Variants in AKAP8L observed in about 807,000 individuals in gnomAD.
AKAP8L encodes the protein A-kinase anchoring protein 8 like.
AKAP8L carries 34 observed loss-of-function variants against 77.5 expected under a neutral mutation model. The ratio of observed to expected loss-of-function variants is 0.44; its 90% confidence interval spans 0.33 to 0.58. The LOEUF is 0.58. AKAP8L is among the 20% of genes least tolerant of loss of function. The pLI, the probability that AKAP8L is intolerant of heterozygous loss-of-function variation, is 0.02. For missense variants in AKAP8L, 806 were observed against 887.6 expected, an observed-to-expected ratio of 0.91 and a Z score of 1.17; for synonymous variants, 342 against 340.7, an observed-to-expected ratio of 1.00 and a Z score of -0.04.
Position 15,401,743 on chromosome 19 carries a change from T to G in AKAP8L, c.363-140A>C, listed in dbSNP as rs1279782346. 2 of 689,636 alleles carry G rather than the reference T, an allele frequency of 2.9e-6. No individual in the cohort carries two copies. Among genetic ancestry groups the G allele is most frequent in the Admixed American group, 5.8e-5 (2 of 34,276 alleles). 42.7% of individuals were successfully genotyped at this position (689,636 alleles called of 1,614,324 possible). On this transcript the variant is annotated intron_variant, in intron 4 of 13. Coordinates refer to ENST00000397410, the MANE Select transcript of AKAP8L (RefSeq NM_014371.4). The surrounding 1 kb of genome is among the most constrained non-coding windows in gnomAD (Gnocchi z 6.2). Reference sequence around the variant, plus strand: ...AGGCTCAATGTTCAGAAATGCCGATTAAAGAGTTCCAGCCTCTCAGCTGAT... The same window carrying G: ...AGGCTCAATGTTCAGAAATGCCGATGAAAGAGTTCCAGCCTCTCAGCTGAT...
chr19:15,407,036 G>T (rs1218579806), intron 2 of AKAP8L, among the ~76,000 whole-genome samples: 1 of 152,006 alleles, frequency 6.6e-6, no homozygotes, highest in Non-Finnish European at 1.5e-5. Context: ...CAGGCAGATC[G>T]CTTGAGCCCA....
At chr19:15,390,959 C>T (rs534173154) in intron 12 of AKAP8L, among the ~76,000 whole-genome samples, 1 of 152,340 alleles carries the variant, frequency 6.6e-6, no homozygotes, top group African/African-American at 2.4e-5. Flanking sequence ...TGACATCACA[C>T]TTAATGGTAA....
At chr19:15,414,238 G>C (rs766377960) in intron 1 of AKAP8L, among the ~76,000 whole-genome samples, 30 of 151,654 alleles carry the variant, frequency 2.0e-4, no homozygotes, top group Non-Finnish European at 3.7e-4. Flanking sequence ...TGTATTTTTA[G>C]TAGAGACGGG....
intron 2 of AKAP8L, among the ~76,000 whole-genome samples, chr19:15,408,665 C>CCT (rs1968050036): frequency 6.6e-6 from 1 of 151,382 alleles, no homozygotes. Context: ...GGGAGGATCA[C>CCT]GAGGTCAGGA....
chr19:15,381,208 G>A (rs142211566), intron 12 of AKAP8L: 16 of 153,066 alleles, frequency 1.0e-4, no homozygotes, highest in African/African-American at 3.6e-4. Context: ...TTCCCAGAAC[G>A]TATCCTAAAT....
rs766506401 is a variant in AKAP8L at position 15,401,058 on chromosome 19, G to A, written c.817-15C>T. On this transcript the variant is annotated splice_polypyrimidine_tract_variant and intron_variant, in intron 5 of 13. Transcript: ENST00000397410. This position sits in a 1 kb window ranked among gnomAD's most constrained non-coding sequence, Gnocchi z 6.2. Reference sequence around the variant, plus strand: ...TTCTTCTTGGTCTGGGTCATAAGGGGGGGAAGCCGTGTCAGGGTGCATGGC... The same window carrying A: ...TTCTTCTTGGTCTGGGTCATAAGGGAGGGAAGCCGTGTCAGGGTGCATGGC... 1.1e-4 allele frequency: 171 copies of A among 1,611,118 alleles called. No individual in the cohort carries two copies. The highest frequency in any genetic ancestry group is 1.4e-4 in the Non-Finnish European group (163 of 1,179,882).
At chr19:15,382,750 C>T (rs1444085442) in intron 12 of AKAP8L, among the ~76,000 whole-genome samples, 2 of 152,172 alleles carry the variant, frequency 1.3e-5, no homozygotes, top group African/African-American at 4.8e-5. Context: ...AGGAGGATTG[C>T]TCAAGTTCAG....
At position 15,399,578 on chromosome 19, in the gene AKAP8L, G is replaced by A; in HGVS notation, c.1049-168C>T. 4.7e-6 allele frequency: 3 copies of A among 634,002 alleles called. No homozygotes were observed. In the South Asian group the frequency reaches 5.4e-5, roughly 11 times the overall value. The allele number at this position is 634,002 out of a possible 1,614,324, so 39.3% of individuals were successfully genotyped here. ...GGGCTGGGTATCCTGGGCTGTGCAG[G>A]GAGTGGGTTTGGCCTAGGCCCCAAG... On this transcript the variant is annotated intron_variant, in intron 8 of 13. Transcript: ENST00000397410. The surrounding 1 kb of genome is among the most constrained non-coding windows in gnomAD (Gnocchi z 6.1).
intron 8 of AKAP8L, 154 bp downstream of exon 8, chr19:15,400,141 C>T (rs535023391): frequency 1.6e-5 from 12 of 729,082 alleles, no homozygotes; most frequent in East Asian, 5.2e-5. Context: ...GTGGAGGCGG[C>T]GAAAAGAAAG....
At chr19:15,400,122 G>T in intron 8 of AKAP8L, 173 bp downstream of exon 8, 1 of 644,004 alleles carries the variant, frequency 1.6e-6, no homozygotes, top group Non-Finnish European at 2.7e-6. Context: ...GAGGAAGAGT[G>T]GGAAGGGGGT....
In AKAP8L at chr19:15,397,149, C is replaced by A. The variant is rs1389340849; in HGVS notation, c.1536+1G>T. On this transcript the variant is annotated splice_donor_variant, in intron 12 of 13. Transcript: ENST00000397410. LOFTEE classifies it high-confidence loss of function. The surrounding 1 kb of genome is among the most constrained non-coding windows in gnomAD (Gnocchi z 4.7). Reference sequence around the variant, plus strand: ...AGAGGGAGAGCACTGTGGCCACTCACCCTGCGGTTCCGGTTGTGATCCATG... The same window carrying A: ...AGAGGGAGAGCACTGTGGCCACTCAACCTGCGGTTCCGGTTGTGATCCATG... 6.2e-7 allele frequency: 1 copy of A among 1,613,702 alleles called. No homozygotes were observed. Among genetic ancestry groups the A allele is most frequent in the East Asian group, 2.2e-5 (1 of 44,878 alleles).
chr19:15,380,609 T>A lies in AKAP8L; in HGVS notation c.1540A>T (p.Met514Leu). 3 of 1,613,506 alleles carry A rather than the reference T, an allele frequency of 1.9e-6. No homozygotes were observed. Among genetic ancestry groups the A allele is most frequent in the Non-Finnish European group, 2.5e-6 (3 of 1,179,860 alleles). ...GAGGACTTCTTGGACTGCTCCATCA[T>A]GAGCTGCGGGCAGGGCAGAAGGAGC... ...TMDHNRNRRL[M>L]MEQSKKSSLM... Residue 514 changes from methionine to leucine, a missense_variant, in exon 13 of 14, where the codon ATG becomes TTG. By Grantham distance (15) the Met-to-Leu change is conservative (BLOSUM62 2). Around this residue, in one of 2 missense-constraint regions of AKAP8L, gnomAD observed 226 missense variants for 193.5 expected, o/e 1.17. Transcript: ENST00000397410.
rs1176455093 is a variant in AKAP8L, at chr19:15,399,205, G to A, written c.1157+97C>T. 8.9e-7 allele frequency: 1 copy of A among 1,124,210 alleles called. No individual in the cohort carries two copies. 69.6% of individuals were successfully genotyped at this position (1,124,210 alleles called of 1,614,324 possible). ...CGAGCAGGTGGCGGCTCCCAAGGGA[G>A]GCCAGAGGGCGGCGAGCTGGCAGAG... On this transcript the variant is annotated intron_variant, in intron 9 of 13. Transcript: ENST00000397410. This position sits in a 1 kb window ranked among gnomAD's most constrained non-coding sequence, Gnocchi z 6.1.
rs756601811 is a variant in AKAP8L, at chr19:15,399,400, G to A, written c.1059C>T (p.Thr353=). 1.2e-6 allele frequency: 2 copies of A among 1,613,748 alleles called. No homozygotes were observed. Among genetic ancestry groups the A allele is most frequent in the Non-Finnish European group, 1.7e-6 (2 of 1,179,768 alleles). ...TGGTCTGGCCATTTTCATCCTGGGT[G>A]GTTAGGGCCCCTGTGGGAGCAGATG... ...GKEDPEKGAL[T]TQDENGQTKR... The change falls in exon 9 of 14, where the codon ACC becomes ACT. Residue 353 remains threonine, a synonymous_variant. Transcript: ENST00000397410. The surrounding 1 kb of genome is among the most constrained non-coding windows in gnomAD (Gnocchi z 6.1).
At chr19:15,406,884 A>C (rs7253443) in intron 2 of AKAP8L, among the ~76,000 whole-genome samples, 119,624 of 152,208 alleles carry the variant, frequency 0.79, 47,214 homozygotes, top group East Asian at 0.99. Flanking sequence ...GATTACACCT[A>C]CCTACTCGGT....
chr19:15,409,250 C>T (rs1055626387), intron 2 of AKAP8L, among the ~76,000 whole-genome samples: 2 of 152,008 alleles, frequency 1.3e-5, no homozygotes, highest in Non-Finnish European at 2.9e-5. Flanking sequence ...ATGGCATATC[C>T]GAGAAATGGC....
At chr19:15,406,551 C>T (rs1968005701) in intron 2 of AKAP8L, among the ~76,000 whole-genome samples, 1 of 152,078 alleles carries the variant, frequency 6.6e-6, no homozygotes, top group African/African-American at 2.4e-5. Flanking sequence ...ACTGCATCCT[C>T]GACTTCTTGG....
intron 1 of AKAP8L, 133 bp from the exon 2 acceptor site, chr19:15,410,727 C>A: frequency 1.5e-6 from 1 of 672,310 alleles, no homozygotes; most frequent in African/African-American, 1.8e-5. Flanking sequence ...CTCTAGATTC[C>A]ACAGTTTAAT....
intron 12 of AKAP8L, among the ~76,000 whole-genome samples, chr19:15,384,033 A>G (rs1189061117): frequency 1.3e-5 from 2 of 148,546 alleles, no homozygotes; most frequent in Non-Finnish European, 3.0e-5. Flanking sequence ...CCAAGGTTCA[A>G]GCAATTCTCT....
Sources: allele counts gnomAD v4.1 joint callset (sites outside exome capture counted in the v4.1 genomes callset), GRCh38; gene constraint gnomAD v4.1.1; regional missense constraint gnomAD v4.1.1; non-coding constraint Gnocchi (gnomAD v3.1); transcripts MANE v1.5; gene names NCBI Gene and HGNC (gene_info 2026-07-23, HGNC 2026-07-21).